The following KCNK17 variants were observed in gnomAD, a reference collection of about 807,000 sequenced individuals.
KCNK17 encodes the protein potassium channel subfamily K member 17.
In KCNK17, 27 loss-of-function variants were observed where a neutral mutation model predicts 24.6. The observed-to-expected ratio is 1.10, with a 90% CI of 0.81 to 1.51. KCNK17 has a LOEUF of 1.51. KCNK17 is among the 40% of genes most tolerant of loss of function. The pLI is 0.00. For missense variants in KCNK17, 450 were observed against 436.6 expected, an observed-to-expected ratio of 1.03 and a Z score of -0.27; for synonymous variants, 181 against 189.8, an observed-to-expected ratio of 0.95 and a Z score of 0.38.
chr6:39,313,248 G>A (rs1762179698), intron 1 of KCNK17, among the ~76,000 whole-genome samples: 1 of 152,204 alleles, frequency 6.6e-6, no homozygotes, highest in African/African-American at 2.4e-5. Context: ...CGCCCTGCTA[G>A]GCCCCACCCT....
chr6:39,299,479 A>G lies in KCNK17; in HGVS notation c.947T>C (p.Ile316Thr), dbSNP rs148531882. 1.2e-6 allele frequency: 2 copies of G among 1,614,186 alleles called. No homozygotes were observed. Among genetic ancestry groups the G allele is most frequent in the South Asian group, 1.1e-5 (1 of 91,084 alleles). ...GTGAGCAGAAGGTTCCAGATGCTGT[A>G]TGATTCCCATGGGTCCCTCTGGATA... Reference protein sequence around the residue: ...GCYPEGPMGIIQHLEPSAHAA... With the variant: ...GCYPEGPMGITQHLEPSAHAA... Residue 316 changes from isoleucine to threonine, a missense_variant, in exon 5 of 5, where the codon ATA becomes ACA. Coordinates refer to ENST00000373231, the MANE Select transcript of KCNK17 (RefSeq NM_031460.4).
chr6:39,301,327 T>C (rs1161707323), intron 4 of KCNK17, among the ~76,000 whole-genome samples: 1 of 152,250 alleles, frequency 6.6e-6, no homozygotes, highest in African/African-American at 2.4e-5. Flanking sequence ...CCCTGTACCA[T>C]GCCTCTGTCT....
chr6:39,303,643 G>T (rs985612194), intron 4 of KCNK17, among the ~76,000 whole-genome samples: 1 of 152,190 alleles, frequency 6.6e-6, no homozygotes, highest in African/African-American at 2.4e-5. Flanking sequence ...CATAGGGAGA[G>T]AGTGAAGTGG....
At chr6:39,300,608 C>T in intron 4 of KCNK17, 1 of 1,377,164 alleles carries the variant, frequency 7.3e-7, no homozygotes, top group South Asian at 1.2e-5. Flanking sequence ...TCTGAACCTC[C>T]TTCACCTGTG....
intron 1 of KCNK17, among the ~76,000 whole-genome samples, chr6:39,311,313 C>T (rs759693843): frequency 1.3e-5 from 2 of 152,148 alleles, no homozygotes; most frequent in Non-Finnish European, 2.9e-5. Flanking sequence ...CTCATTTTCT[C>T]CCCTGCTCAC....
intron 1 of KCNK17, 72 bp from the exon 2 acceptor site, chr6:39,311,079 C>T (rs1762127940): frequency 3.6e-5 from 5 of 140,768 alleles, no homozygotes; most frequent in Middle Eastern, 1.9e-3. Context: ...GATGCACACA[C>T]ACACACACAC....
chr6:39,310,861 C>T, intron 2 of KCNK17, 32 bp downstream of exon 2: 4 of 1,202,814 alleles, frequency 3.3e-6, no homozygotes, highest in Non-Finnish European at 4.8e-6. Context: ...CCTTCCCCCA[C>T]CCCCATCCCC....
At chr6:39,313,843 C>T (rs1233879359) in intron 1 of KCNK17, among the ~76,000 whole-genome samples, 1 of 152,194 alleles carries the variant, frequency 6.6e-6, no homozygotes, top group Non-Finnish European at 1.5e-5. Context: ...AAGTAGGACT[C>T]AGCCCGGCTT....
chr6:39,309,381 T>C (rs1416158885), intron 2 of KCNK17, among the ~76,000 whole-genome samples: 2 of 152,064 alleles, frequency 1.3e-5, no homozygotes, highest in African/African-American at 2.4e-5. Context: ...TAGGGACAAA[T>C]TGAAATCTTA....
At chr6:39,311,290 A>C (rs1244023541) in intron 1 of KCNK17, among the ~76,000 whole-genome samples, 1 of 152,150 alleles carries the variant, frequency 6.6e-6, no homozygotes, top group Non-Finnish European at 1.5e-5. Flanking sequence ...TTGGAGTCCT[A>C]GTAAACCAGC....
chr6:39,312,938 C>G (rs897855870), intron 1 of KCNK17, among the ~76,000 whole-genome samples: 2 of 152,216 alleles, frequency 1.3e-5, no homozygotes, highest in Admixed American at 6.5e-5. Context: ...CGGCCTAGTC[C>G]GAGGGTTCAG....
At position 39,310,932 on chromosome 6, in the gene KCNK17, C is replaced by T; in HGVS notation, c.313G>A (p.Gly105Ser). 6.2e-7 allele frequency: 1 copy of T among 1,608,378 alleles called. No homozygotes were observed. Among genetic ancestry groups the T allele is most frequent in the Non-Finnish European group, 8.5e-7 (1 of 1,175,720 alleles). ...TTSMGRWELV[G>S]SFFFSVSTIT... Reference sequence around the variant, plus strand: ...GTGGACACAGAAAAGAAGAAGGAGCCCACGAGCTCCCAGCGCCCCATGCTG... The same window carrying T: ...GTGGACACAGAAAAGAAGAAGGAGCTCACGAGCTCCCAGCGCCCCATGCTG... The change falls in exon 2 of 5, where the codon GGC becomes AGC. Residue 105 changes from glycine (G) to serine (S), a missense_variant. Transcript: ENST00000373231.
At chr6:39,299,868 T>C (rs1027262963) in intron 4 of KCNK17, 131 bp from the exon 5 acceptor site, 1 of 924,090 alleles carries the variant, frequency 1.1e-6, no homozygotes, top group South Asian at 1.7e-5. Flanking sequence ...ACATGGAGAC[T>C]CCTAGCCTCA....
chr6:39,314,416 G>T lies in KCNK17; in HGVS notation c.-96C>A, dbSNP rs2113845125. On this transcript the variant is annotated 5_prime_UTR_variant, in exon 1 of 5. Transcript: ENST00000373231. The stretch of plus-strand genomic sequence containing the variant: ...CCAGCTCGTATCTCCTCTCGCAAAC[G>T]CCTGCTGGTGCCCGGTTTCGCCGGG... 1.1e-6 allele frequency: 1 copy of T among 876,894 alleles called. No homozygotes were observed. Among genetic ancestry groups the T allele is most frequent in the East Asian group, 3.1e-5 (1 of 32,212 alleles). The allele number at this position is 876,894 out of a possible 1,614,324, so 54.3% of individuals were successfully genotyped here.
chr6:39,314,138 C>T lies in KCNK17; in HGVS notation c.183G>A (p.Glu61=). ...SSRSFQRDKW[E]LLQNFTCLDR... is the part of the protein sequence containing the mutation. Reference sequence around the variant, plus strand: ...CCAGACACGTGAAGTTCTGCAACAGCTCCCACTTGTCGCGCTGGAAGCTGC... The same window carrying T: ...CCAGACACGTGAAGTTCTGCAACAGTTCCCACTTGTCGCGCTGGAAGCTGC... The change falls in exon 1 of 5, where the codon GAG becomes GAA. Residue 61 remains glutamate (E), a synonymous_variant. Coordinates refer to ENST00000373231, the MANE Select transcript of KCNK17 (RefSeq NM_031460.4). 1 of 1,594,276 alleles carries T rather than the reference C, an allele frequency of 6.3e-7. No homozygotes were observed. The highest frequency in any genetic ancestry group is 8.5e-7 in the Non-Finnish European group (1 of 1,173,466).
At chr6:39,304,384 A>G in intron 3 of KCNK17, 111 bp downstream of exon 3, 2 of 1,022,654 alleles carry the variant, frequency 2.0e-6, no homozygotes, top group East Asian at 2.5e-5. Context: ...TCCCAACACA[A>G]CCTCACCAGT....
Position 39,302,315 on chromosome 6 carries a change from A to G in KCNK17, c.688+1642T>C, listed in dbSNP as rs577229235. Among the ~76,000 whole-genome samples, 5 of 151,800 alleles carry G rather than the reference A, an allele frequency of 3.3e-5. No homozygotes were observed. In the South Asian group the frequency reaches 1.0e-3, roughly 32 times the overall value. On this transcript the variant is annotated intron_variant, in intron 4 of 4. Coordinates refer to ENST00000373231, the MANE Select transcript of KCNK17 (RefSeq NM_031460.4). ...ATCTCCTCAGTCAGATTGTATTGGT[A>G]GGAGGGGGGTTACAGAATTTGGACT...
At position 39,310,943 on chromosome 6, in the gene KCNK17, C is replaced by T. The variant is rs764363579; in HGVS notation, c.302G>A (p.Trp101Ter). 3.1e-6 allele frequency: 5 copies of T among 1,609,364 alleles called. No individual in the cohort carries two copies. In the South Asian group the frequency reaches 5.5e-5, roughly 18 times the overall value. ...LLSNTTSMGRWELVGSFFFSV... is the reference protein window; with the variant it reads ...LLSNTTSMGR ...AAAGAAGAAGGAGCCCACGAGCTCC[C>T]AGCGCCCCATGCTGGTGGTGTTGCT... is the stretch of plus-strand genomic sequence containing the variant. The change falls in exon 2 of 5, where the codon TGG (tryptophan) becomes TAG (stop). Residue 101 changes from tryptophan (W) to a stop codon, truncating the protein, a stop_gained. Coordinates refer to ENST00000373231, the MANE Select transcript of KCNK17 (RefSeq NM_031460.4). LOFTEE classifies it high-confidence loss of function.
At chr6:39,302,829 A>G (rs897057313) in intron 4 of KCNK17, among the ~76,000 whole-genome samples, 26 of 152,140 alleles carry the variant, frequency 1.7e-4, no homozygotes, top group African/African-American at 6.3e-4. Flanking sequence ...AGGATGAGGG[A>G]GATCCAGAAG....
Sources: gnomAD v4.1 joint callset for allele counts (sites outside exome capture counted in the v4.1 genomes callset) on GRCh38, gnomAD v4.1.1 for gene constraint, MANE v1.5 for transcripts, NCBI Gene and HGNC (gene_info 2026-07-23, HGNC 2026-07-21) for gene names.